Variants in DCDC2C observed in about 807,000 individuals in gnomAD.
The protein encoded by DCDC2C is doublecortin domain-containing protein 2C.
In DCDC2C, 44 loss-of-function variants were observed where a neutral mutation model predicts 45.0. The observed-to-expected ratio is 0.98, with a 90% confidence interval of 0.77 to 1.26. DCDC2C has a LOEUF of 1.26. Among genes scored for constraint, DCDC2C ranks in the 50% most tolerant of loss-of-function variants. DCDC2C has a pLI of 0.00. For missense variants in DCDC2C, 447 were observed against 468.9 expected (o/e 0.95, Z 0.43); for synonymous variants, 187 against 178.8 (o/e 1.05, Z -0.37).
chr2:3,841,048 C>G (rs11123617), intron 10 of DCDC2C, among the ~76,000 whole-genome samples: 130,602 of 152,284 alleles, frequency 0.86, 56,056 homozygotes, highest in South Asian at 0.93. Context: ...GGCACAATCT[C>G]TCAGTCAACA....
chr2:3,747,925 G>A (rs975989673), intron 4 of DCDC2C, among the ~76,000 whole-genome samples: 7 of 152,142 alleles, frequency 4.6e-5, no homozygotes, highest in South Asian at 2.1e-4. Flanking sequence ...TGGTCAGGGC[G>A]GGCTTCTCTG....
At chr2:3,828,194 C>T (rs191088373) in intron 10 of DCDC2C, among the ~76,000 whole-genome samples, 3 of 152,310 alleles carry the variant, frequency 2.0e-5, no homozygotes, top group Non-Finnish European at 2.9e-5. Flanking sequence ...TTTATTTTCA[C>T]GGTAACAACC....
intron 7 of DCDC2C, chr2:3,768,910 G>T (rs760707046): frequency 5.0e-5 from 8 of 160,546 alleles, no homozygotes; most frequent in Non-Finnish European, 9.6e-5. Context: ...CTATTACTTT[G>T]CTGTCCAGTG....
At position 3,747,039 on chromosome 2, in the gene DCDC2C, T is replaced by C. The variant is rs568562267; in HGVS notation, c.545+4991T>C. On this transcript the variant is annotated intron_variant, in intron 4 of 10. Transcript: ENST00000399143. ...TTTCTGGAAAATGCTGGGAGATAGG[T>C]GTGGATACCCAGGGCTGCAGCGGTT... is the stretch of plus-strand genomic sequence containing the variant. Among the ~76,000 whole-genome samples the C allele has an allele frequency of 6.6e-5, 10 of 152,126 alleles. No homozygotes were observed. In the East Asian group the frequency reaches 1.9e-3, roughly 30 times the overall value.
chr2:3,730,599 GC>G (rs1668840340), intron 3 of DCDC2C, among the ~76,000 whole-genome samples: 1 of 152,158 alleles, frequency 6.6e-6, no homozygotes, highest in East Asian at 1.9e-4. Flanking sequence ...AGCTTCCACA[GC>G]CCTTCCTATT....
intron 10 of DCDC2C, among the ~76,000 whole-genome samples, chr2:3,842,457 G>A (rs1672235972): frequency 1.3e-5 from 2 of 151,938 alleles, no homozygotes; most frequent in South Asian, 4.2e-4. Flanking sequence ...GGGCAGAGGG[G>A]TCAGCTTAGT....
At chr2:3,785,362 G>C (rs1220505718) in intron 10 of DCDC2C, among the ~76,000 whole-genome samples, 1 of 152,190 alleles carries the variant, frequency 6.6e-6, no homozygotes, top group Non-Finnish European at 1.5e-5. Context: ...CCCTAGGGCA[G>C]CGTGTGGCTG....
At chr2:3,804,189 T>G (rs1027699385) in intron 10 of DCDC2C, among the ~76,000 whole-genome samples, 4 of 152,196 alleles carry the variant, frequency 2.6e-5, no homozygotes, top group Admixed American at 2.0e-4. Flanking sequence ...GAGTAGGTAC[T>G]CAAAAGGTAA....
intron 10 of DCDC2C, among the ~76,000 whole-genome samples, chr2:3,829,168 G>A (rs977282842): frequency 3.9e-5 from 6 of 152,124 alleles, no homozygotes; most frequent in Non-Finnish European, 7.4e-5. Context: ...TGTGTGCAAC[G>A]CAACCGCTTC....
chr2:3,799,598 C>T lies in DCDC2C; in HGVS notation c.1065+14498C>T, dbSNP rs569812080. Among the ~76,000 whole-genome samples the T allele has an allele frequency of 7.6e-3, 1,156 of 152,358 alleles. 2 individuals carry two copies. The highest frequency in any genetic ancestry group is 0.027 in the African/African-American group (1,109 of 41,568). On this transcript the variant is annotated intron_variant, in intron 10 of 10. Coordinates refer to ENST00000399143, the MANE Select transcript of DCDC2C (RefSeq NM_001287444.2). ...TTTTCCTTCTAACAGACAGGACCCT[C>T]AGCTGCAGGTCTGTTGGAGTACCTG...
At chr2:3,844,308 A>C (rs1227358356) in intron 10 of DCDC2C, 1 of 153,378 alleles carries the variant, frequency 6.5e-6, no homozygotes, top group African/African-American at 2.4e-5. Flanking sequence ...TGCCTGGGAC[A>C]GCCACACCCA....
At chr2:3,709,463 G>A (rs962767163) in intron 2 of DCDC2C, among the ~76,000 whole-genome samples, 1 of 152,248 alleles carries the variant, frequency 6.6e-6, no homozygotes, top group Admixed American at 6.5e-5. Flanking sequence ...CCCCAGCATT[G>A]TTCACAGGCA....
At chr2:3,759,885 C>G (rs114928076) in intron 6 of DCDC2C, among the ~76,000 whole-genome samples, 1 of 152,184 alleles carries the variant, frequency 6.6e-6, no homozygotes, top group Non-Finnish European at 1.5e-5. Context: ...GGTGACATCT[C>G]ATTTATGTGT....
At chr2:3,825,119 T>C (rs1438123602) in intron 10 of DCDC2C, among the ~76,000 whole-genome samples, 2 of 152,160 alleles carry the variant, frequency 1.3e-5, no homozygotes, top group Admixed American at 1.3e-4. Flanking sequence ...TTTCCAGCCT[T>C]GCATCATGGG....
At chr2:3,835,984 T>A (rs1380661866) in intron 10 of DCDC2C, among the ~76,000 whole-genome samples, 1 of 152,238 alleles carries the variant, frequency 6.6e-6, no homozygotes, top group Non-Finnish European at 1.5e-5. Flanking sequence ...CCTCACATGA[T>A]CCTTTTACCT....
chr2:3,798,157 T>C lies in DCDC2C; in HGVS notation c.1065+13057T>C, dbSNP rs1044381711. On this transcript the variant is annotated intron_variant, in intron 10 of 10. Transcript: ENST00000399143. ...CTTTGTCTCTTTTGATCTTTGTTGGTTTAAAGTCTGTTTTATCAGAGACTA... is the reference window on the plus strand; with the variant it reads ...CTTTGTCTCTTTTGATCTTTGTTGGCTTAAAGTCTGTTTTATCAGAGACTA... Among the ~76,000 whole-genome samples the C allele has an allele frequency of 1.8e-3, 269 of 152,110 alleles. 4 individuals are homozygous for C. The South Asian group carries it at 0.019, about 11-fold the overall frequency.
chr2:3,708,505 A>T, intron 1 of DCDC2C, 44 bp from the exon 2 acceptor site: 1 of 1,455,560 alleles, frequency 6.9e-7, no homozygotes, highest in Non-Finnish European at 9.3e-7. Flanking sequence ...TTTCTATGTA[A>T]ATATCTTCCT....
chr2:3,703,787 C>T lies in DCDC2C; in HGVS notation c.36C>T (p.Thr12=), dbSNP rs1422509872. ...GTRGPSAPVD[T]TPAKTIVVYR... Reference sequence around the variant, plus strand: ...GCGGGCCCTCCGCGCCGGTGGACACCACGCCCGCCAAGACCATCGTGGTGT... The same window carrying T: ...GCGGGCCCTCCGCGCCGGTGGACACTACGCCCGCCAAGACCATCGTGGTGT... Residue 12 remains threonine (T), a synonymous_variant, in exon 1 of 11, where the codon ACC becomes ACT. Coordinates refer to ENST00000399143, the MANE Select transcript of DCDC2C (RefSeq NM_001287444.2). This position sits in a 1 kb window ranked among gnomAD's most constrained non-coding sequence, Gnocchi z 4.4. 1 of 1,239,152 alleles carries T rather than the reference C, an allele frequency of 8.1e-7. No homozygotes were observed. The highest frequency in any genetic ancestry group is 4.2e-5 in the Admixed American group (1 of 23,652). The allele number at this position is 1,239,152 out of a possible 1,614,324, so 76.8% of individuals were successfully genotyped here.
intron 10 of DCDC2C, among the ~76,000 whole-genome samples, chr2:3,825,054 C>A (rs547148774): frequency 1.4e-4 from 22 of 152,288 alleles, no homozygotes; most frequent in Admixed American, 1.0e-3. Context: ...AAAGCCTTGT[C>A]CCCTAGTGGG....
Sources: allele counts gnomAD v4.1 joint callset (sites outside exome capture counted in the v4.1 genomes callset), GRCh38; gene constraint gnomAD v4.1.1; non-coding constraint Gnocchi (gnomAD v3.1); transcripts MANE v1.5; gene names NCBI Gene and HGNC (gene_info 2026-07-23, HGNC 2026-07-21).